HSPA12A: variants seen among roughly 807,000 people sequenced by gnomAD.
HSPA12A encodes the protein heat shock 70 kDa protein 12A.
HSPA12A carries 28 observed loss-of-function variants against 69.2 expected under a neutral mutation model. The ratio of observed to expected loss-of-function variants is 0.40; its 90% CI spans 0.30 to 0.55. The LOEUF (loss-of-function observed/expected upper bound fraction) is 0.55, where lower values mean the gene tolerates loss of function less well. HSPA12A is among the 20% of genes least tolerant of loss of function. The pLI is 0.38. For synonymous variants in HSPA12A, 345 were observed against 370.5 expected, an observed-to-expected ratio of 0.93 and a Z score of 0.79; for missense variants, 686 against 900.7, an observed-to-expected ratio of 0.76 and a Z score of 3.05.
At chr10:116,796,667 G>T (rs1844833464) in intron 2 of HSPA12A, among the ~76,000 whole-genome samples, 1 of 152,154 alleles carries the variant, frequency 6.6e-6, no homozygotes, top group South Asian at 2.1e-4. Context: ...AGCTGTAGCC[G>T]CTGCAGCATC....
intron 1 of HSPA12A, among the ~76,000 whole-genome samples, chr10:116,731,566 C>A (rs1053351586): frequency 6.6e-6 from 1 of 152,194 alleles, no homozygotes; most frequent in African/African-American, 2.4e-5. Context: ...TAGCATGAAA[C>A]TTTTACATGG....
chr10:116,724,902 C>T (rs1236608911), intron 1 of HSPA12A, among the ~76,000 whole-genome samples: 1 of 152,184 alleles, frequency 6.6e-6, no homozygotes, highest in African/African-American at 2.4e-5. Context: ...CAGTGACCAC[C>T]TGGCCCCCAG....
At chr10:116,826,906 C>T (rs1845517882) in intron 2 of HSPA12A, among the ~76,000 whole-genome samples, 1 of 152,182 alleles carries the variant, frequency 6.6e-6, no homozygotes, top group Admixed American at 6.5e-5. Context: ...GAGGCGGATA[C>T]TTAGTATTCA....
intron 6 of HSPA12A, among the ~76,000 whole-genome samples, chr10:116,684,225 T>G (rs1284768960): frequency 6.6e-6 from 1 of 152,096 alleles, no homozygotes; most frequent in Non-Finnish European, 1.5e-5. Context: ...CTGTGGGGCC[T>G]CTTGCACTTG....
chr10:116,681,108 G>A, intron 9 of HSPA12A, 44 bp downstream of exon 9: 1 of 1,325,996 alleles, frequency 7.5e-7, no homozygotes, highest in South Asian at 1.2e-5. Context: ...AGAACTGCCT[G>A]GAATTGGCTC....
chr10:116,725,296 T>A (rs1169047964), intron 1 of HSPA12A, among the ~76,000 whole-genome samples: 1 of 152,142 alleles, frequency 6.6e-6, no homozygotes, highest in Non-Finnish European at 1.5e-5. Context: ...CCTGCCACCC[T>A]GTAGGGTGGG....
At chr10:116,718,107 C>T (rs546667873) in intron 1 of HSPA12A, among the ~76,000 whole-genome samples, 1 of 152,352 alleles carries the variant, frequency 6.6e-6, no homozygotes, top group East Asian at 1.9e-4. Flanking sequence ...GACAAGATTC[C>T]ACCTGCCTGG....
intron 1 of HSPA12A, among the ~76,000 whole-genome samples, chr10:116,845,067 G>A (rs909994291): frequency 6.6e-6 from 1 of 152,048 alleles, no homozygotes; most frequent in Non-Finnish European, 1.5e-5. Context: ...CCCAGTTCAG[G>A]GGTTCTCTAA....
At chr10:116,705,104 G>A (rs782352126) in intron 3 of HSPA12A, 47 bp downstream of exon 3, 5 of 1,609,052 alleles carry the variant, frequency 3.1e-6, no homozygotes, top group Non-Finnish European at 4.3e-6. Flanking sequence ...CTCCACAGGT[G>A]CAGTGGTTGG....
exon 2 of HSPA12A, chr10:116,834,950 CCCACCTTGA>C: frequency 1.6e-6 from 2 of 1,231,380 alleles, no homozygotes; most frequent in Non-Finnish European, 2.0e-6. Flanking sequence ...GCGGCTATTT[CCCACCTTGA>C]ATCACACTTC....
intron 5 of HSPA12A, 32 bp from the exon 6 acceptor site, chr10:116,692,499 A>C: frequency 1.3e-6 from 2 of 1,550,890 alleles, no homozygotes; most frequent in Non-Finnish European, 1.8e-6. Context: ...GCAACAGGTC[A>C]AGTGGCAGCT....
At chr10:116,733,089 T>C (rs535004794) in intron 1 of HSPA12A, among the ~76,000 whole-genome samples, 7 of 152,298 alleles carry the variant, frequency 4.6e-5, no homozygotes, top group Admixed American at 1.3e-4. Context: ...CCATCATCCC[T>C]TCAAATCGGT....
chr10:116,771,532 T>C (rs1470563175), intron 2 of HSPA12A, among the ~76,000 whole-genome samples: 1 of 152,230 alleles, frequency 6.6e-6, no homozygotes, highest in Admixed American at 6.5e-5. Flanking sequence ...AGCCTGGGTC[T>C]GAATCATTTC....
At chr10:116,779,228 C>T (rs1196954141) in intron 2 of HSPA12A, among the ~76,000 whole-genome samples, 3 of 152,204 alleles carry the variant, frequency 2.0e-5, no homozygotes, top group Non-Finnish European at 4.4e-5. Context: ...TAATGAGTCA[C>T]TGCCAACACG....
chr10:116,810,023 C>T (rs1303756797), intron 2 of HSPA12A, among the ~76,000 whole-genome samples: 1 of 152,156 alleles, frequency 6.6e-6, no homozygotes, highest in Non-Finnish European at 1.5e-5. Flanking sequence ...AACCGAAGCC[C>T]ACCGAAGGAG....
intron 1 of HSPA12A, 117 bp from the exon 2 acceptor site, chr10:116,707,402 C>T (rs1331917054): frequency 1.3e-6 from 1 of 786,514 alleles, no homozygotes; most frequent in Non-Finnish European, 2.1e-6. Context: ...AAAGCCAGCT[C>T]ACGAAATGGG....
chr10:116,777,525 A>T lies in HSPA12A; in HGVS notation c.91+57410T>A, dbSNP rs530214928. 4.6e-5 allele frequency among the ~76,000 whole-genome samples: 7 copies of T among 152,238 alleles called. No homozygotes were observed. In the South Asian group the frequency reaches 1.5e-3, roughly 32 times the overall value. On this transcript the variant is annotated intron_variant, in intron 2 of 12. Coordinates refer to the HSPA12A transcript ENST00000635765. Reference sequence around the variant, plus strand: ...GCCACTCAGGCCTCCTCGTGCCCAGACCAGACAGGGACATGTGTGGACTTC... The same window carrying T: ...GCCACTCAGGCCTCCTCGTGCCCAGTCCAGACAGGGACATGTGTGGACTTC...
In HSPA12A at chr10:116,673,977, T is replaced by C. The variant is rs1288882295; in HGVS notation, c.*804A>G. On this transcript the variant is annotated 3_prime_UTR_variant, in exon 12 of 12. Coordinates refer to ENST00000369209, the MANE Select transcript of HSPA12A (RefSeq NM_025015.3). ...AATTCCTACTAAGGTTCACTAGAAT[T>C]ACTTATGAACTCAGAAATCAGGGCT... 6.6e-6 allele frequency: 1 copy of C among 152,154 alleles called. No homozygotes were observed. Among genetic ancestry groups the C allele is most frequent in the Non-Finnish European group, 1.5e-5 (1 of 68,028 alleles). The allele number at this position is 152,154 out of a possible 1,614,324, so 9.4% of individuals were successfully genotyped here. A position where few individuals can be genotyped will look rare whatever the true frequency, so the allele number is the denominator to read the frequency against.
At chr10:116,742,677 C>G (rs1223795827), upstream of HSPA12A, 5 of 891,818 alleles carry the variant, frequency 5.6e-6, no homozygotes, top group East Asian at 5.5e-4. Context: ...GAGCTCGGGC[C>G]GGCCGGGAAA....
Sources: gnomAD v4.1 joint callset for allele counts (sites outside exome capture counted in the v4.1 genomes callset) on GRCh38, gnomAD v4.1.1 for gene constraint, MANE v1.5 for transcripts, NCBI Gene and HGNC (gene_info 2026-07-23, HGNC 2026-07-21) for gene names.